Variants in PKHD1 observed in about 807,000 individuals in gnomAD.
PKHD1 encodes PKHD1 ciliary IPT domain containing fibrocystin/polyductin.
Under a neutral mutation model 412.0 loss-of-function variants are expected in PKHD1, and 291 were observed. The observed-to-expected ratio is 0.71, with a 90% CI of 0.64 to 0.78. The LOEUF is 0.78. Among genes scored for constraint, PKHD1 ranks in the 30% least tolerant of loss-of-function variants. PKHD1 has a pLI of 0.00. For missense variants in PKHD1, 4,825 were observed against 4,950.7 expected (o/e 0.97, Z 0.76); for synonymous variants, 1,777 against 1,821.5 (o/e 0.98, Z 0.62).
intron 61 of PKHD1, among the ~76,000 whole-genome samples, chr6:51,657,313 T>A (rs1308775652): frequency 2.0e-5 from 3 of 152,034 alleles, no homozygotes; most frequent in African/African-American, 7.2e-5. Context: ...TGGTTTGGTT[T>A]TTTATCATAC....
chr6:51,684,195 T>C (rs1777113713), intron 60 of PKHD1, among the ~76,000 whole-genome samples: 1 of 152,100 alleles, frequency 6.6e-6, no homozygotes, highest in Non-Finnish European at 1.5e-5. Context: ...TAGCTGTACT[T>C]GAAGGACTGT....
intron 49 of PKHD1, among the ~76,000 whole-genome samples, chr6:51,855,609 C>T (rs1773158060): frequency 6.6e-6 from 1 of 152,138 alleles, no homozygotes; most frequent in South Asian, 2.1e-4. Context: ...GAGGTTGTTT[C>T]TCATTGTATT....
intron 37 of PKHD1, among the ~76,000 whole-genome samples, chr6:51,931,771 A>T (rs534694240): frequency 1.3e-5 from 2 of 152,060 alleles, no homozygotes; most frequent in East Asian, 3.9e-4. Context: ...TGCTTTGGGG[A>T]ATGTTTAACC....
At chr6:52,084,493 G>A (rs12194190) in intron 2 of PKHD1, among the ~76,000 whole-genome samples, 3,922 of 152,210 alleles carry the variant, frequency 0.026, 78 homozygotes, top group South Asian at 0.083. Context: ...GGGAAAGTCC[G>A]ACAGCAAAAT....
At chr6:51,649,777 T>C (rs1770646475) in intron 61 of PKHD1, among the ~76,000 whole-genome samples, 1 of 152,212 alleles carries the variant, frequency 6.6e-6, no homozygotes, top group African/African-American at 2.4e-5. Context: ...GCTCATTTAA[T>C]CTTCACAACA....
In PKHD1 at chr6:52,056,996, A is replaced by G. The variant is rs1290410164; in HGVS notation, c.1513-17T>C. ...ATTCAGCACCTAAAAAAGTCAAGAC[A>G]GACAAGACTAAATGATGGTGCTAAT... On this transcript the variant is annotated splice_polypyrimidine_tract_variant and intron_variant, in intron 16 of 66. Coordinates refer to ENST00000371117, the MANE Select transcript of PKHD1 (RefSeq NM_138694.4). The G allele has an allele frequency of 6.5e-7, 1 of 1,543,510 alleles. No individual in the cohort carries two copies. Among genetic ancestry groups the G allele is most frequent in the Admixed American group, 1.7e-5 (1 of 59,930 alleles).
At chr6:51,938,998 G>A (rs557154593) in intron 36 of PKHD1, among the ~76,000 whole-genome samples, 9 of 151,602 alleles carry the variant, frequency 5.9e-5, no homozygotes, top group South Asian at 2.1e-4. Context: ...AAACTCTGGC[G>A]CCAGTCACGG....
chr6:51,851,111 G>A (rs1218100785), intron 49 of PKHD1, among the ~76,000 whole-genome samples: 2 of 152,122 alleles, frequency 1.3e-5, no homozygotes, highest in Admixed American at 6.5e-5. Context: ...ATGAAGGGAT[G>A]TTGAATTTTA....
intron 52 of PKHD1, among the ~76,000 whole-genome samples, chr6:51,817,686 A>G (rs955107329): frequency 6.6e-6 from 1 of 152,212 alleles, no homozygotes; most frequent in Non-Finnish European, 1.5e-5. Flanking sequence ...GCCTCCATCC[A>G]TTCATTCACT....
intron 60 of PKHD1, among the ~76,000 whole-genome samples, chr6:51,742,343 A>G (rs1257299208): frequency 6.6e-6 from 1 of 152,194 alleles, no homozygotes; most frequent in Non-Finnish European, 1.5e-5. Flanking sequence ...AGCCTTCAAC[A>G]TATGGAAAAA....
chr6:51,929,460 G>A (rs1209049309), intron 37 of PKHD1, among the ~76,000 whole-genome samples: 1 of 152,028 alleles, frequency 6.6e-6, no homozygotes, highest in African/African-American at 2.4e-5. Context: ...TTTATTACTT[G>A]ACCTCCAATA....
At chr6:51,663,772 T>G (rs1773252399) in intron 60 of PKHD1, among the ~76,000 whole-genome samples, 1 of 152,190 alleles carries the variant, frequency 6.6e-6, no homozygotes, top group Non-Finnish European at 1.5e-5. Flanking sequence ...AAATTTATTG[T>G]ATCATCCTCT....
chr6:51,706,829 A>G (rs929414579), intron 60 of PKHD1, among the ~76,000 whole-genome samples: 1 of 152,174 alleles, frequency 6.6e-6, no homozygotes, highest in Admixed American at 6.6e-5. Context: ...GCCTTTCTCT[A>G]AAGTTGAGCT....
At chr6:51,959,407 GT>G (rs1285113548) in intron 36 of PKHD1, among the ~76,000 whole-genome samples, 2 of 152,040 alleles carry the variant, frequency 1.3e-5, no homozygotes, top group Non-Finnish European at 2.9e-5. Context: ...TATATAGCCG[GT>G]TTTGCAATAA....
chr6:51,795,973 C>T (rs1262834083), intron 52 of PKHD1, among the ~76,000 whole-genome samples: 4 of 151,470 alleles, frequency 2.6e-5, no homozygotes, highest in Admixed American at 6.6e-5. Context: ...AATATTGACC[C>T]GAATTTGTCT....
At chr6:51,839,105 C>T (rs976657509) in intron 50 of PKHD1, among the ~76,000 whole-genome samples, 11 of 152,256 alleles carry the variant, frequency 7.2e-5, no homozygotes, top group South Asian at 4.1e-4. Context: ...AGCAACTTAA[C>T]CAGATCTGCT....
At chr6:51,987,440 T>A (rs909867590) in intron 35 of PKHD1, among the ~76,000 whole-genome samples, 7 of 152,206 alleles carry the variant, frequency 4.6e-5, no homozygotes, top group African/African-American at 1.7e-4. Context: ...TTATTAGCCC[T>A]ATTTATGATG....
At chr6:51,781,186 A>G (rs1405357812) in intron 53 of PKHD1, among the ~76,000 whole-genome samples, 2 of 152,178 alleles carry the variant, frequency 1.3e-5, no homozygotes, top group East Asian at 3.9e-4. Flanking sequence ...AGTAAATTGC[A>G]GCACATATTT....
chr6:51,830,980 G>T lies in PKHD1; in HGVS notation c.8183C>A (p.Ser2728Tyr), dbSNP rs1408189845. The T allele has an allele frequency of 6.2e-7, 1 of 1,611,682 alleles. No individual in the cohort carries two copies. Among genetic ancestry groups the T allele is most frequent in the African/African-American group, 1.3e-5 (1 of 74,930 alleles). The change falls in exon 52 of 67, where the codon TCT (serine) becomes TAT (tyrosine). Residue 2728 changes from serine (S) to tyrosine (Y), a missense_variant. Ser to Tyr is a moderately radical substitution (Grantham distance 144). Transcript: ENST00000371117. ...CCATTTTAAAGCTGATTCAGGGGCA[G>T]AGGTAGAAGCTAGAAAATAAAAAAA... ...GMPPTISAST[S>Y]APESALKWSL...
Sources: gnomAD v4.1 joint callset for allele counts (sites outside exome capture counted in the v4.1 genomes callset) on GRCh38, gnomAD v4.1.1 for gene constraint, MANE v1.5 for transcripts, NCBI Gene and HGNC (gene_info 2026-07-23, HGNC 2026-07-21) for gene names.